Variants in RPH3AL observed in about 807,000 individuals in gnomAD.
RPH3AL encodes rab effector Noc2.
Under a neutral mutation model 43.1 loss-of-function variants are expected in RPH3AL, and 38 were observed. That is an observed-to-expected ratio of 0.88 (90% CI 0.68 to 1.15). RPH3AL has a LOEUF of 1.15. Among genes scored for constraint, RPH3AL ranks in the 50% most tolerant of loss-of-function variants. The probability of loss-of-function intolerance (pLI) is 0.00; values close to 1 mark genes in which losing one functional copy is unlikely to be tolerated. For synonymous variants in RPH3AL, 189 were observed against 176.3 expected, an observed-to-expected ratio of 1.07 and a Z score of -0.57; for missense variants, 462 against 423.2, an observed-to-expected ratio of 1.09 and a Z score of -0.81.
intron 5 of RPH3AL, among the ~76,000 whole-genome samples, chr17:299,723 G>A (rs954654254): frequency 2.6e-5 from 4 of 152,240 alleles, no homozygotes; most frequent in East Asian, 1.9e-4. Flanking sequence ...ACGGGGCCGC[G>A]CCGGACTGCA....
intron 5 of RPH3AL, among the ~76,000 whole-genome samples, chr17:313,506 G>A (rs73971704): frequency 0.022 from 3,322 of 152,132 alleles, 129 homozygotes; most frequent in African/African-American, 0.076. Flanking sequence ...TCCCTCTGCC[G>A]GGAACACTGT....
At chr17:284,156 C>T (rs183063114) in intron 5 of RPH3AL, among the ~76,000 whole-genome samples, 54 of 152,202 alleles carry the variant, frequency 3.5e-4, no homozygotes, top group Non-Finnish European at 6.6e-4. Context: ...GGCGATGCTG[C>T]GGGAACAGGA....
In RPH3AL at chr17:213,592, G is replaced by C. The variant is rs1453576207; in HGVS notation, c.*260C>G. The C allele has an allele frequency of 1.8e-6, 1 of 568,988 alleles. No individual in the cohort carries two copies. Among genetic ancestry groups the C allele is most frequent in the Non-Finnish European group, 3.1e-6 (1 of 317,706 alleles). The allele number at this position is 568,988 out of a possible 1,614,324, so 35.2% of individuals were successfully genotyped here. A position where few individuals can be genotyped will look rare whatever the true frequency, so the allele number is the denominator to read the frequency against. On this transcript the variant is annotated 3_prime_UTR_variant, in exon 10 of 10. Transcript: ENST00000331302. ...CTTAAAATCATCACCAGGTAGATTG[G>C]GGGTGTGGGAGGGGAGGGTAATAAA...
At chr17:231,059 T>G (rs2041220393) in intron 7 of RPH3AL, among the ~76,000 whole-genome samples, 1 of 152,210 alleles carries the variant, frequency 6.6e-6, no homozygotes, top group South Asian at 2.1e-4. Flanking sequence ...TCTGTGTCTT[T>G]GTGTGTTCAG....
chr17:256,303 T>C (rs1334752922), intron 6 of RPH3AL, among the ~76,000 whole-genome samples: 6 of 43,672 alleles, frequency 1.4e-4, no homozygotes, highest in African/African-American at 2.8e-4. Flanking sequence ...CTACCCTACG[T>C]ACTTCCTATG....
At chr17:270,222 C>T (rs2042429783) in intron 6 of RPH3AL, among the ~76,000 whole-genome samples, 1 of 152,194 alleles carries the variant, frequency 6.6e-6, no homozygotes, top group Non-Finnish European at 1.5e-5. Flanking sequence ...TCACAGACCT[C>T]CAGAGGGGGC....
rs1201050076 is a variant in RPH3AL at position 286,934 on chromosome 17, C to T, written c.352-5080G>A. 2.1e-3 allele frequency among the ~76,000 whole-genome samples: 169 copies of T among 81,368 alleles called. 6 individuals are homozygous for T. The highest frequency in any genetic ancestry group is 8.4e-3 in the African/African-American group (158 of 18,884). 53.4% of individuals were successfully genotyped at this position (81,368 alleles called of 152,430 possible). A position where few individuals can be genotyped will look rare whatever the true frequency, so the allele number is the denominator to read the frequency against. ...ACCCTCTCTCTCCACCGTCAGACCT[C>T]GCACCCTCTCTCTCCACCGTCAGAC... On this transcript the variant is annotated intron_variant, in intron 5 of 9. Coordinates refer to ENST00000331302, the MANE Select transcript of RPH3AL (RefSeq NM_006987.4).
chr17:299,119 A>T (rs1472461039), intron 5 of RPH3AL, among the ~76,000 whole-genome samples: 2 of 152,070 alleles, frequency 1.3e-5, no homozygotes, highest in Admixed American at 1.3e-4. Context: ...CAAGCAGAGG[A>T]GTAGAGGATG....
At chr17:344,026 C>G (rs546358692) in intron 1 of RPH3AL, among the ~76,000 whole-genome samples, 1 of 69,128 alleles carries the variant, frequency 1.4e-5, no homozygotes, top group African/African-American at 3.7e-5. Context: ...TCATCACTAT[C>G]ATCACCCCCA....
intron 7 of RPH3AL, among the ~76,000 whole-genome samples, chr17:239,991 A>C (rs886633966): frequency 1.3e-5 from 2 of 152,180 alleles, no homozygotes; most frequent in South Asian, 2.1e-4. Flanking sequence ...TAATCCTAGC[A>C]CTTTGGGAGG....
intron 9 of RPH3AL, chr17:214,769 CAAAA>C (rs112783318): frequency 2.3e-5 from 3 of 129,744 alleles, no homozygotes; most frequent in African/African-American, 2.8e-5. Flanking sequence ...GATCCTGTCT[CAAAA>C]AAAAAAAAAA....
rs1309566766 is a variant in RPH3AL, at chr17:290,136, C to T, written c.352-8282G>A. ...AAGACAGGCTCCCTCCCGGAACATG[C>T]CGACCTGCCGGGAAGACAAGCTGCA... On this transcript the variant is annotated intron_variant, in intron 5 of 9. Coordinates refer to ENST00000331302, the MANE Select transcript of RPH3AL (RefSeq NM_006987.4). This position sits in a 1 kb window ranked among gnomAD's most constrained non-coding sequence, Gnocchi z 4.2. Among the ~76,000 whole-genome samples, 1 of 152,266 alleles carries T rather than the reference C, an allele frequency of 6.6e-6. No individual in the cohort carries two copies. Among genetic ancestry groups the T allele is most frequent in the African/African-American group, 2.4e-5 (1 of 41,474 alleles).
chr17:249,989 C>G (rs573796913), intron 6 of RPH3AL, among the ~76,000 whole-genome samples: 1 of 138,048 alleles, frequency 7.2e-6, no homozygotes, highest in Non-Finnish European at 1.5e-5. Flanking sequence ...CCTCTCGGAG[C>G]CTTTACTAAG....
chr17:302,550 GGA>G (rs1200609737), intron 5 of RPH3AL, among the ~76,000 whole-genome samples: 3 of 152,098 alleles, frequency 2.0e-5, no homozygotes, highest in Non-Finnish European at 4.4e-5. Flanking sequence ...CGTGTCCCCA[GGA>G]GAGATTCGGA....
intron 4 of RPH3AL, 105 bp from the exon 5 acceptor site, chr17:319,654 G>C (rs1277026295): frequency 8.6e-6 from 12 of 1,400,324 alleles, no homozygotes; most frequent in Admixed American, 8.0e-5. Flanking sequence ...CCCTCACCTG[G>C]GATATTGTTC....
At chr17:299,789 C>T (rs2043276430) in intron 5 of RPH3AL, among the ~76,000 whole-genome samples, 1 of 152,246 alleles carries the variant, frequency 6.6e-6, no homozygotes, top group Non-Finnish European at 1.5e-5. Context: ...ACAAAATTAC[C>T]GCGCTTGGCA....
chr17:243,374 T>C (rs2041633175), intron 7 of RPH3AL, among the ~76,000 whole-genome samples: 1 of 137,440 alleles, frequency 7.3e-6, no homozygotes, highest in South Asian at 2.6e-4. Context: ...TTGATTACCC[T>C]TCCTCTATTG....
chr17:304,946 C>CGG (rs2043431284), intron 5 of RPH3AL, among the ~76,000 whole-genome samples: 1 of 63,310 alleles, frequency 1.6e-5, no homozygotes, highest in Non-Finnish European at 3.5e-5. Context: ...GGGGACAGGG[C>CGG]GAGAGGGGGA....
rs771700293 is a variant in RPH3AL, at chr17:283,475, A to G, written c.352-1621T>C. ...ATCCAAAGAAAATGCAATCTGCTCC[A>G]AGCTCCTGTCCCTCTGGATTGGCAG... On this transcript the variant is annotated intron_variant, in intron 5 of 9. Transcript: ENST00000331302. The surrounding 1 kb of genome is among the most constrained non-coding windows in gnomAD (Gnocchi z 4.2). 2.6e-5 allele frequency among the ~76,000 whole-genome samples: 4 copies of G among 152,176 alleles called. No individual in the cohort carries two copies. Among genetic ancestry groups the G allele is most frequent in the Non-Finnish European group, 5.9e-5 (4 of 68,030 alleles).
Sources: allele counts gnomAD v4.1 joint callset (sites outside exome capture counted in the v4.1 genomes callset), GRCh38; gene constraint gnomAD v4.1.1; non-coding constraint Gnocchi (gnomAD v3.1); transcripts MANE v1.5; gene names NCBI Gene and HGNC (gene_info 2026-07-23, HGNC 2026-07-21).